Variants in LRBA observed in about 807,000 individuals in gnomAD.
LRBA encodes LPS responsive beige-like anchor protein.
In LRBA, 176 loss-of-function variants were observed where a neutral mutation model predicts 330.0. The ratio of observed to expected loss-of-function variants is 0.53; its 90% CI spans 0.47 to 0.60. The LOEUF is 0.60. LRBA is among the 20% of genes least tolerant of loss of function. The pLI is 0.00. For missense variants in LRBA, 3,259 were observed against 3,444.8 expected (o/e 0.95, Z 1.35); for synonymous variants, 1,230 against 1,193.0 (o/e 1.03, Z -0.64).
Position 150,374,800 on chromosome 4 carries a change from CAA to C in LRBA, c.7195-24643_7195-24642del, listed in dbSNP as rs2151874084. ...TACTCAACTGGTACATATAACATAT[CAA>C]AAGTGTATAATTCTTAAGTATGTGA... On this transcript the variant is annotated intron_variant, in intron 47 of 56. Transcript: ENST00000651943. 2.6e-5 allele frequency among the ~76,000 whole-genome samples: 4 copies of C among 152,228 alleles called. No homozygotes were observed. In the South Asian group the frequency reaches 8.3e-4, roughly 32 times the overall value.
chr4:150,447,132 C>T (rs1250001158), intron 44 of LRBA, among the ~76,000 whole-genome samples: 1 of 152,096 alleles, frequency 6.6e-6, no homozygotes, highest in African/African-American at 2.4e-5. Context: ...AATAAAAATC[C>T]TTTGTTCAGT....
intron 47 of LRBA, among the ~76,000 whole-genome samples, chr4:150,410,932 T>C (rs1746901646): frequency 6.6e-6 from 1 of 152,178 alleles, no homozygotes; most frequent in Non-Finnish European, 1.5e-5. Context: ...ATTGACATTA[T>C]ATCATAAGAG....
intron 38 of LRBA, among the ~76,000 whole-genome samples, chr4:150,594,307 G>C (rs1006013153): frequency 1.5e-4 from 22 of 151,470 alleles, no homozygotes; most frequent in African/African-American, 5.3e-4. Context: ...TTCTGCTAAA[G>C]AACCTTAAAA....
chr4:150,483,247 A>G (rs934094236), intron 42 of LRBA, among the ~76,000 whole-genome samples: 1 of 151,940 alleles, frequency 6.6e-6, no homozygotes, highest in Non-Finnish European at 1.5e-5. Context: ...TAAAAAGATC[A>G]TTTTCCCCCC....
At chr4:150,935,713 A>T (rs1049615619) in intron 2 of LRBA, among the ~76,000 whole-genome samples, 3 of 151,976 alleles carry the variant, frequency 2.0e-5, no homozygotes, top group Non-Finnish European at 2.9e-5. Flanking sequence ...TAACATAATT[A>T]TTAAAACTGT....
At chr4:150,905,228 T>A (rs1731199341) in intron 13 of LRBA, among the ~76,000 whole-genome samples, 1 of 152,076 alleles carries the variant, frequency 6.6e-6, no homozygotes, top group South Asian at 2.1e-4. Flanking sequence ...GTTTTCATAA[T>A]TTGAATTAAC....
chr4:150,984,126 C>T (rs190576294), intron 2 of LRBA, among the ~76,000 whole-genome samples: 34 of 152,286 alleles, frequency 2.2e-4, no homozygotes, highest in African/African-American at 3.6e-4. Context: ...AACCACACTA[C>T]GGCCTGCCAA....
At chr4:150,304,953 G>A (rs1730169535) in intron 52 of LRBA, among the ~76,000 whole-genome samples, 1 of 152,146 alleles carries the variant, frequency 6.6e-6, no homozygotes, top group Admixed American at 6.5e-5. Context: ...TGTGATCATA[G>A]AGTATATATA....
intron 53 of LRBA, among the ~76,000 whole-genome samples, chr4:150,287,245 C>G (rs1748252108): frequency 6.6e-6 from 1 of 152,162 alleles, no homozygotes; most frequent in Admixed American, 6.5e-5. Context: ...TCAGGGGAAA[C>G]CCACTGGAAA....
intron 37 of LRBA, among the ~76,000 whole-genome samples, chr4:150,661,916 A>C (rs969832264): frequency 6.6e-6 from 1 of 152,116 alleles, no homozygotes; most frequent in African/African-American, 2.4e-5. Flanking sequence ...CACCACGCCC[A>C]GCCTCATGTT....
At chr4:150,759,000 G>A (rs1451517864) in intron 35 of LRBA, among the ~76,000 whole-genome samples, 4 of 151,782 alleles carry the variant, frequency 2.6e-5, no homozygotes, top group South Asian at 2.1e-4. Flanking sequence ...TTGCAGCCTC[G>A]TCCTCCTAGA....
chr4:150,268,904 A>G (rs1745709348), intron 56 of LRBA, among the ~76,000 whole-genome samples: 1 of 152,224 alleles, frequency 6.6e-6, no homozygotes, highest in Non-Finnish European at 1.5e-5. Context: ...CAATTACACA[A>G]GAAAAAAGTA....
chr4:150,275,441 C>G (rs1285306612), intron 56 of LRBA, among the ~76,000 whole-genome samples: 1 of 152,014 alleles, frequency 6.6e-6, no homozygotes, highest in Admixed American at 6.6e-5. Context: ...GGCAATCAGG[C>G]AAGAGAAAGA....
intron 40 of LRBA, among the ~76,000 whole-genome samples, chr4:150,564,623 T>C (rs1334594951): frequency 1.3e-5 from 2 of 152,128 alleles, no homozygotes; most frequent in Non-Finnish European, 2.9e-5. Flanking sequence ...GGGAAAATGT[T>C]TGCAATCTAC....
At chr4:150,721,469 T>C (rs961960665) in intron 36 of LRBA, 1 of 274,506 alleles carries the variant, frequency 3.6e-6, no homozygotes, top group Non-Finnish European at 7.0e-6. Flanking sequence ...TTGTGATCAT[T>C]GACATTTAAG....
intron 56 of LRBA, among the ~76,000 whole-genome samples, chr4:150,270,752 A>T (rs1745972069): frequency 6.6e-6 from 1 of 152,212 alleles, no homozygotes; most frequent in Non-Finnish European, 1.5e-5. Flanking sequence ...GATAAAGATG[A>T]TCCCCCCAAA....
rs1740778985 is a variant in LRBA at position 150,981,115 on chromosome 4, A to G, written c.216+33312T>C. Among the ~76,000 whole-genome samples, 3 of 148,578 alleles carry G rather than the reference A, an allele frequency of 2.0e-5. No individual in the cohort carries two copies. In the South Asian group the frequency reaches 6.3e-4, roughly 31 times the overall value. On this transcript the variant is annotated intron_variant, in intron 2 of 56. Coordinates refer to ENST00000651943, the MANE Select transcript of LRBA (RefSeq NM_001364905.1). Reference sequence around the variant, plus strand: ...CTAATGACATTCTTCAGAGAAATTAAAAAAAAAAAAAACATTAGCTCGGCG... The same window carrying G: ...CTAATGACATTCTTCAGAGAAATTAGAAAAAAAAAAAACATTAGCTCGGCG...
At chr4:150,429,621 AT>A (rs1226878784) in intron 46 of LRBA, among the ~76,000 whole-genome samples, 3 of 152,160 alleles carry the variant, frequency 2.0e-5, no homozygotes, top group Non-Finnish European at 4.4e-5. Flanking sequence ...GGAGTCAGAT[AT>A]CAGGAGAAAT....
intron 46 of LRBA, among the ~76,000 whole-genome samples, chr4:150,433,124 CAT>C (rs1327879508): frequency 3.3e-5 from 5 of 152,158 alleles, no homozygotes; most frequent in African/African-American, 4.8e-5. Context: ...CATAATGAAA[CAT>C]ATTCCAAACA....
Sources: allele counts gnomAD v4.1 joint callset (sites outside exome capture counted in the v4.1 genomes callset), GRCh38; gene constraint gnomAD v4.1.1; transcripts MANE v1.5; gene names NCBI Gene and HGNC (gene_info 2026-07-23, HGNC 2026-07-21).